The following GINS1 variants were observed in gnomAD, a reference collection of about 807,000 sequenced individuals.
GINS1 encodes DNA replication complex GINS protein PSF1.
In GINS1, 26 loss-of-function variants were observed where a neutral mutation model predicts 34.9. The ratio of observed to expected loss-of-function variants is 0.74; its 90% confidence interval spans 0.55 to 1.03. The LOEUF (loss-of-function observed/expected upper bound fraction) is 1.03, where lower values mean the gene tolerates loss of function less well. Ranked by LOEUF, GINS1 falls within the 50% of genes least tolerant of loss-of-function variation. The probability of loss-of-function intolerance (pLI) is 0.00; values close to 1 mark genes in which losing one functional copy is unlikely to be tolerated. For synonymous variants in GINS1, 97 were observed against 84.4 expected (o/e 1.15, Z -0.82); for missense variants, 235 against 237.9 (o/e 0.99, Z 0.08).
chr20:25,442,950 G>A (rs1355696050), intron 6 of GINS1: 1 of 152,038 alleles, frequency 6.6e-6, no homozygotes, highest in African/African-American at 2.4e-5. Flanking sequence ...TCGTGAGGAG[G>A]AAAAATGACC....
intron 4 of GINS1, among the ~76,000 whole-genome samples, chr20:25,419,008 C>T (rs1436932525): frequency 1.3e-5 from 2 of 152,204 alleles, no homozygotes; most frequent in Non-Finnish European, 2.9e-5. Context: ...ACCTGAGTAG[C>T]ACATACTCTC....
chr20:25,420,905 T>C (rs954649097), intron 4 of GINS1: 1 of 981,268 alleles, frequency 1.0e-6, no homozygotes, highest in Non-Finnish European at 1.2e-6. Flanking sequence ...AACTCTGTAG[T>C]AGACCACAGA....
At chr20:25,441,104 T>TA (rs1276253875) in intron 5 of GINS1, among the ~76,000 whole-genome samples, 2 of 152,162 alleles carry the variant, frequency 1.3e-5, no homozygotes, top group African/African-American at 4.8e-5. Context: ...TGGCAGCACT[T>TA]AGTGCTGTAG....
intron 3 of GINS1, 145 bp downstream of exon 3, chr20:25,417,347 T>C: frequency 1.7e-6 from 1 of 598,510 alleles, no homozygotes; most frequent in Non-Finnish European, 2.9e-6. Context: ...ATTTTTTTAA[T>C]TTTTTATTAT....
At chr20:25,414,785 T>C (rs1017093680) in intron 2 of GINS1, among the ~76,000 whole-genome samples, 6 of 152,204 alleles carry the variant, frequency 3.9e-5, no homozygotes, top group Non-Finnish European at 7.3e-5. Flanking sequence ...GTTGCCTTAG[T>C]GAGTTTGTTA....
At chr20:25,434,448 C>CT (rs142557379) in intron 5 of GINS1, among the ~76,000 whole-genome samples, 26 of 149,346 alleles carry the variant, frequency 1.7e-4, no homozygotes, top group East Asian at 4.0e-4. Flanking sequence ...AATTTTTTTT[C>CT]TTTTTTTTTT....
intron 1 of GINS1, 128 bp downstream of exon 1, chr20:25,408,023 G>A: frequency 1.4e-6 from 1 of 692,580 alleles, no homozygotes; most frequent in African/African-American, 1.8e-5. Flanking sequence ...TTGGGAAGCA[G>A]CAAAACAAAA....
intron 5 of GINS1, among the ~76,000 whole-genome samples, 158 bp downstream of exon 5, chr20:25,425,485 G>T (rs2500439): frequency 6.6e-6 from 1 of 152,130 alleles, no homozygotes; most frequent in African/African-American, 2.4e-5. Context: ...GACAGAATAC[G>T]ATGGAACAGC....
At chr20:25,429,262 T>C (rs1442417801) in intron 5 of GINS1, among the ~76,000 whole-genome samples, 1 of 152,206 alleles carries the variant, frequency 6.6e-6, no homozygotes, top group African/African-American at 2.4e-5. Context: ...AGTGCCGGAT[T>C]ACAGGCATGA....
intron 1 of GINS1, among the ~76,000 whole-genome samples, chr20:25,408,147 C>A (rs951187849): frequency 6.6e-6 from 1 of 152,244 alleles, no homozygotes; most frequent in East Asian, 1.9e-4. Context: ...TTGTTCCGGT[C>A]CCTTAAAATA....
intron 5 of GINS1, among the ~76,000 whole-genome samples, chr20:25,436,580 G>A (rs572345920): frequency 5.3e-5 from 8 of 151,776 alleles, no homozygotes; most frequent in Non-Finnish European, 8.8e-5. Flanking sequence ...GCTCCAATCT[G>A]TCTTTGAATC....
chr20:25,427,107 A>G (rs1236051877), intron 5 of GINS1, among the ~76,000 whole-genome samples: 3 of 152,130 alleles, frequency 2.0e-5, no homozygotes, highest in African/African-American at 7.2e-5. Context: ...TTTACATTCC[A>G]ACATTACGCA....
At chr20:25,441,931 T>C (rs1006691916) in intron 6 of GINS1, among the ~76,000 whole-genome samples, 155 bp downstream of exon 6, 1 of 152,218 alleles carries the variant, frequency 6.6e-6, no homozygotes, top group Non-Finnish European at 1.5e-5. Context: ...TTTTTCTGAA[T>C]ATTAAGACTG....
In GINS1 at chr20:25,434,729, G is replaced by A. The variant is rs1042945109; in HGVS notation, c.448-6973G>A. ...CTCAGTGTTGGGATTATAGGCTTGAGCCACTGTGCCCAGCCAGCCTGTCTC... is the reference window on the plus strand; with the variant it reads ...CTCAGTGTTGGGATTATAGGCTTGAACCACTGTGCCCAGCCAGCCTGTCTC... On this transcript the variant is annotated intron_variant, in intron 5 of 6. Coordinates refer to ENST00000262460, the MANE Select transcript of GINS1 (RefSeq NM_021067.5). Among the ~76,000 whole-genome samples, 191 of 152,192 alleles carry A rather than the reference G, an allele frequency of 1.3e-3. 2 individuals carry two copies. Among genetic ancestry groups the A allele is most frequent in the Non-Finnish European group, 2.1e-3 (144 of 68,034 alleles).
chr20:25,442,498 G>GA (rs1337042760), intron 6 of GINS1, among the ~76,000 whole-genome samples: 1 of 151,738 alleles, frequency 6.6e-6, no homozygotes, highest in African/African-American at 2.4e-5. Context: ...AGGATTACAG[G>GA]TGTGAACCAC....
rs1201298018 is a variant in GINS1, at chr20:25,443,946, C to T, written c.523-1977C>T. ...TTTCTGTAGAATCTGTGGTGTAGAT[C>T]ATTCACATACTCTAAAATATTAGTA... On this transcript the variant is annotated intron_variant, in intron 6 of 6. Coordinates refer to ENST00000262460, the MANE Select transcript of GINS1 (RefSeq NM_021067.5). Among the ~76,000 whole-genome samples the T allele has an allele frequency of 5.4e-5, 8 of 147,806 alleles. No homozygotes were observed. The Admixed American group carries it at 5.4e-4, about 10-fold the overall frequency.
rs578008282 is a variant in GINS1, at chr20:25,414,940, G to A, written c.140+1086G>A. On this transcript the variant is annotated intron_variant, in intron 2 of 6. Transcript: ENST00000262460. Reference sequence around the variant, plus strand: ...GGTGACTAGATTTATTGACTCTTTAGAACTGAGCATGGTAGCTGGCACAGT... The same window carrying A: ...GGTGACTAGATTTATTGACTCTTTAAAACTGAGCATGGTAGCTGGCACAGT... Among the ~76,000 whole-genome samples, 88 of 152,278 alleles carry A rather than the reference G, an allele frequency of 5.8e-4. 4 individuals are homozygous for A. The East Asian group carries it at 0.016, about 28-fold the overall frequency.
At position 25,407,896 on chromosome 20, in the gene GINS1, G is replaced by C. The variant is rs1436550999; in HGVS notation, c.75+1G>C. The C allele has an allele frequency of 6.2e-7, 1 of 1,610,426 alleles. No individual in the cohort carries two copies. Among genetic ancestry groups the C allele is most frequent in the South Asian group, 1.1e-5 (1 of 90,970 alleles). On this transcript the variant is annotated splice_donor_variant, in intron 1 of 6. Coordinates refer to ENST00000262460, the MANE Select transcript of GINS1 (RefSeq NM_021067.5). LOFTEE classifies it high-confidence loss of function. ...CGAAGGGCAACTGCCTGCCTTCAACGTGAGGGGCGGGTAGACTTGGACGGG... is the reference window on the plus strand; with the variant it reads ...CGAAGGGCAACTGCCTGCCTTCAACCTGAGGGGCGGGTAGACTTGGACGGG...
intron 5 of GINS1, among the ~76,000 whole-genome samples, chr20:25,441,243 G>A (rs966386126): frequency 1.3e-5 from 2 of 152,128 alleles, no homozygotes; most frequent in Middle Eastern, 3.2e-3. Flanking sequence ...AGTATTCCTG[G>A]GAAATTATCT....
Sources: allele counts gnomAD v4.1 joint callset (sites outside exome capture counted in the v4.1 genomes callset), GRCh38; gene constraint gnomAD v4.1.1; transcripts MANE v1.5; gene names NCBI Gene and HGNC (gene_info 2026-07-23, HGNC 2026-07-21).